DNAH7: variants seen among roughly 807,000 people sequenced by gnomAD.
DNAH7 encodes the protein axonemal beta dynein heavy chain 7.
Under a neutral mutation model 444.6 loss-of-function variants are expected in DNAH7, and 397 were observed. The observed-to-expected ratio is 0.89, with a 90% CI of 0.82 to 0.97. The LOEUF is 0.97. DNAH7 is among the 50% of genes least tolerant of loss of function. The pLI is 0.00. For missense variants in DNAH7, 4,902 were observed against 4,800.8 expected, an observed-to-expected ratio of 1.02 and a Z score of -0.62; for synonymous variants, 1,636 against 1,624.4, an observed-to-expected ratio of 1.01 and a Z score of -0.17.
intron 12 of DNAH7, among the ~76,000 whole-genome samples, chr2:195,998,443 G>A (rs1439092074): frequency 5.9e-5 from 9 of 151,846 alleles, no homozygotes; most frequent in South Asian, 2.1e-4. Flanking sequence ...GCATGGTGGC[G>A]GGTGCCTGTA....
At chr2:195,889,855 T>G (rs1701914955) in intron 31 of DNAH7, among the ~76,000 whole-genome samples, 1 of 152,144 alleles carries the variant, frequency 6.6e-6, no homozygotes, top group Non-Finnish European at 1.5e-5. Flanking sequence ...TCTTTCCTGA[T>G]GGTATAGAAA....
intron 51 of DNAH7, among the ~76,000 whole-genome samples, chr2:195,816,037 A>T (rs1328839971): frequency 1.3e-5 from 2 of 152,208 alleles, no homozygotes; most frequent in African/African-American, 4.8e-5. Flanking sequence ...TACCAAACTG[A>T]AAATTATCTA....
chr2:195,824,200 T>A, intron 49 of DNAH7, 55 bp downstream of exon 49: 1 of 1,496,302 alleles, frequency 6.7e-7, no homozygotes. Flanking sequence ...TCAGGAGGAA[T>A]ATATAGTCAC....
intron 58 of DNAH7, among the ~76,000 whole-genome samples, chr2:195,779,602 G>C (rs1225989999): frequency 4.6e-5 from 7 of 151,006 alleles, no homozygotes; most frequent in African/African-American, 1.7e-4. Flanking sequence ...TTAAAGTATT[G>C]TAGGGTTTTT....
intron 17 of DNAH7, among the ~76,000 whole-genome samples, chr2:195,963,760 T>G (rs1691272767): frequency 6.6e-6 from 1 of 152,218 alleles, no homozygotes; most frequent in East Asian, 1.9e-4. Context: ...ATTTAAGTCT[T>G]TAATCCATTT....
At chr2:195,876,450 C>T (rs774992180) in intron 37 of DNAH7, 94 bp downstream of exon 37, 6 of 1,280,778 alleles carry the variant, frequency 4.7e-6, no homozygotes, top group Non-Finnish European at 4.4e-6. Flanking sequence ...AAAAACTATA[C>T]AAAAAGATGT....
At chr2:195,996,264 C>T (rs1328008807) in intron 12 of DNAH7, among the ~76,000 whole-genome samples, 1 of 152,102 alleles carries the variant, frequency 6.6e-6, no homozygotes, top group African/African-American at 2.4e-5. Context: ...TCCTTAGCTG[C>T]AAAATTTGCA....
rs1375018907 is a variant in DNAH7, at chr2:195,909,285, C to T, written c.4104+742G>A. Among the ~76,000 whole-genome samples the T allele has an allele frequency of 8.5e-5, 13 of 152,052 alleles. No individual in the cohort carries two copies. The East Asian group carries it at 2.5e-3, about 29-fold the overall frequency. The stretch of plus-strand genomic sequence containing the variant: ...AAATAAAATGTGCTTTGAAAAATTA[C>T]AGAAAAACATAAATAAATATATAAT... On this transcript the variant is annotated intron_variant, in intron 25 of 64. Transcript: ENST00000312428.
chr2:195,953,743 GC>G (rs1690428990), intron 19 of DNAH7, among the ~76,000 whole-genome samples: 1 of 152,210 alleles, frequency 6.6e-6, no homozygotes, highest in Admixed American at 6.5e-5. Context: ...TACACTGTAA[GC>G]CAGTTATATT....
intron 21 of DNAH7, among the ~76,000 whole-genome samples, chr2:195,927,951 T>A (rs1688451037): frequency 6.6e-6 from 1 of 152,178 alleles, no homozygotes. Flanking sequence ...CTTTATTTTT[T>A]GTATTTTTCA....
At position 195,798,324 on chromosome 2, in the gene DNAH7, G is replaced by A. The variant is rs570878027; in HGVS notation, c.10353+972C>T. 2.1e-3 allele frequency among the ~76,000 whole-genome samples: 322 copies of A among 152,264 alleles called. 7 individuals carry two copies. The highest frequency in any genetic ancestry group is 7.4e-3 in the African/African-American group (307 of 41,528). ...TAGCAAAGTCAACAGTATACATTAA[G>A]CACTCAATACAAGTGGTGGTGGTGG... On this transcript the variant is annotated intron_variant, in intron 55 of 64. Coordinates refer to ENST00000312428, the MANE Select transcript of DNAH7 (RefSeq NM_018897.3).
intron 63 of DNAH7, among the ~76,000 whole-genome samples, chr2:195,746,118 A>T (rs1377231734): frequency 6.6e-5 from 10 of 152,222 alleles, no homozygotes; most frequent in Non-Finnish European, 1.5e-4. Context: ...TCACGTGCAG[A>T]GACACATAGG....
chr2:195,738,655 T>C (rs1692800456), intron 64 of DNAH7, among the ~76,000 whole-genome samples: 1 of 152,234 alleles, frequency 6.6e-6, no homozygotes, highest in Non-Finnish European at 1.5e-5. Context: ...CCCCATTCTT[T>C]TTAGTCATTA....
chr2:195,786,668 GGTCT>G (rs1366944703), intron 58 of DNAH7, among the ~76,000 whole-genome samples: 2 of 151,708 alleles, frequency 1.3e-5, no homozygotes. Flanking sequence ...GAAGACAACT[GGTCT>G]GTTTGTTTTT....
chr2:195,927,747 A>C (rs567165585), intron 21 of DNAH7, among the ~76,000 whole-genome samples: 1 of 151,560 alleles, frequency 6.6e-6, no homozygotes, highest in South Asian at 2.1e-4. Context: ...TTACCATATT[A>C]TATATGATAT....
chr2:195,830,635 C>G (rs967587975), intron 48 of DNAH7, among the ~76,000 whole-genome samples: 4 of 151,940 alleles, frequency 2.6e-5, no homozygotes, highest in African/African-American at 9.7e-5. Context: ...TTGAAGGGGT[C>G]GAGATGTCAC....
chr2:195,775,942 G>A lies in DNAH7; in HGVS notation c.11106C>T (p.Thr3702=). ...YIEYTKTLPL[T]PAPEIFGMNA... ...TCATCCCAAAGATTTCTGGTGCTGG[G>A]GTCAGTGGCAGAGTCTTTGTGTATT... Residue 3702 remains threonine, a synonymous_variant, in exon 60 of 65, where the codon ACC becomes ACT. Transcript: ENST00000312428. 1.2e-6 allele frequency: 2 copies of A among 1,614,152 alleles called. No homozygotes were observed. Among genetic ancestry groups the A allele is most frequent in the Non-Finnish European group, 1.7e-6 (2 of 1,180,018 alleles).
At chr2:195,905,802 C>T (rs1474982195) in intron 27 of DNAH7, 3 of 151,826 alleles carry the variant, frequency 2.0e-5, no homozygotes, top group Non-Finnish European at 4.4e-5. Context: ...AAAATTAATG[C>T]TGGGTGTCAA....
chr2:195,809,090 ACT>A (rs1696840884), intron 52 of DNAH7, among the ~76,000 whole-genome samples: 1 of 152,234 alleles, frequency 6.6e-6, no homozygotes, highest in African/African-American at 2.4e-5. Flanking sequence ...TCAAATAGTT[ACT>A]TTTTGACAAT....
Sources: allele counts gnomAD v4.1 joint callset (sites outside exome capture counted in the v4.1 genomes callset), GRCh38; gene constraint gnomAD v4.1.1; transcripts MANE v1.5; gene names NCBI Gene and HGNC (gene_info 2026-07-23, HGNC 2026-07-21).